Variants in DMD observed in about 807,000 individuals in gnomAD.
DMD encodes mutant dystrophin.
DMD carries 63 observed loss-of-function variants against 330.1 expected under a neutral mutation model. The observed-to-expected ratio is 0.19, with a 90% CI of 0.16 to 0.24. DMD has a LOEUF of 0.24. Among genes scored for constraint, DMD ranks in the 10% least tolerant of loss-of-function variants. The pLI, the probability that DMD is intolerant of heterozygous loss-of-function variation, is 1.00. For missense variants in DMD, 3,344 were observed against 2,684.1 expected (o/e 1.25, Z -5.43); for synonymous variants, 1,223 against 959.8 (o/e 1.27, Z -5.07).
chrX:31,528,189 A>ACTT (rs1351116568), intron 55 of DMD, among the ~76,000 whole-genome samples: 1 of 94,319 alleles, frequency 1.1e-5, no homozygotes, highest in Non-Finnish European at 2.1e-5. Flanking sequence ...TTTACAAGAC[A>ACTT]CTTTAGGTTG....
chrX:32,646,333 C>A (rs764644325), intron 9 of DMD, among the ~76,000 whole-genome samples: 2 of 110,997 alleles, frequency 1.8e-5, no homozygotes, highest in African/African-American at 6.5e-5. Flanking sequence ...TGCAGGTCGC[C>A]GGGCTTCAAA....
At chrX:31,521,721 A>G (rs1411383909) in intron 55 of DMD, among the ~76,000 whole-genome samples, 2 of 111,780 alleles carry the variant, frequency 1.8e-5, no homozygotes, top group East Asian at 2.8e-4. Flanking sequence ...TGAGTTTGTG[A>G]TACGGTTTTA....
chrX:31,372,480 T>A (rs775894949), intron 60 of DMD, among the ~76,000 whole-genome samples: 1 of 112,093 alleles, frequency 8.9e-6, no homozygotes, highest in South Asian at 3.8e-4. Flanking sequence ...GACTGTAGTG[T>A]GCAAATTAGG....
At chrX:33,129,535 A>C (rs763811483) in intron 1 of DMD, among the ~76,000 whole-genome samples, 19 of 96,880 alleles carry the variant, frequency 2.0e-4, no homozygotes, top group South Asian at 1.9e-3. Flanking sequence ...AAAAAAAAAA[A>C]CCCACACCTT....
intron 16 of DMD, among the ~76,000 whole-genome samples, chrX:32,563,482 G>T (rs2051313142): frequency 9.2e-6 from 1 of 108,687 alleles, no homozygotes; most frequent in South Asian, 4.0e-4. Context: ...TATCTTCATT[G>T]TATCCCTATG....
At chrX:32,607,863 CAG>C (rs1257504742) in intron 12 of DMD, among the ~76,000 whole-genome samples, 1 of 109,422 alleles carries the variant, frequency 9.1e-6, no homozygotes, top group African/African-American at 3.3e-5. Flanking sequence ...AGTACTGGTT[CAG>C]AGAGAGAGAG....
chrX:33,211,673 G>T, upstream of DMD: 1 of 564,695 alleles, frequency 1.8e-6, no homozygotes, highest in Non-Finnish European at 2.3e-6. Flanking sequence ...TACATATAAG[G>T]TTGTGCTTCC....
Position 32,417,191 on chromosome X carries a change from G to A in DMD, c.4072-5278C>T, listed in dbSNP as rs144108845. 6.8e-3 allele frequency among the ~76,000 whole-genome samples: 753 copies of A among 111,532 alleles called. 5 individuals carry two copies. Among genetic ancestry groups the A allele is most frequent in the African/African-American group, 0.023 (716 of 30,691 alleles). On this transcript the variant is annotated intron_variant, in intron 29 of 78. Transcript: ENST00000357033. ...CTCATTCTAAGAGATGGAAATAGCA[G>A]GGCATAGCAAAGGGCTTACAAAAGA... is the stretch of plus-strand genomic sequence containing the variant.
At chrX:32,129,002 C>CA (rs2096674789) in intron 44 of DMD, among the ~76,000 whole-genome samples, 2 of 111,420 alleles carry the variant, frequency 1.8e-5, no homozygotes, top group African/African-American at 6.5e-5. Flanking sequence ...TCTAAGGCCC[C>CA]ACCTCTAATC....
chrX:32,403,780 T>C (rs906950179), intron 30 of DMD, among the ~76,000 whole-genome samples: 2 of 112,230 alleles, frequency 1.8e-5, no homozygotes, highest in Non-Finnish European at 3.8e-5. Flanking sequence ...ATAAAAAGTC[T>C]ACATCTATGG....
intron 9 of DMD, among the ~76,000 whole-genome samples, chrX:32,690,165 C>A (rs1379656135): frequency 9.1e-6 from 1 of 110,139 alleles, no homozygotes; most frequent in Non-Finnish European, 1.9e-5. Flanking sequence ...CCCTAGAATC[C>A]ATTAAAAACA....
chrX:32,166,902 T>A (rs1246809037), intron 44 of DMD, among the ~76,000 whole-genome samples: 1 of 112,010 alleles, frequency 8.9e-6, no homozygotes, highest in Admixed American at 9.5e-5. Context: ...ATAATAAAGT[T>A]GAGCATTACC....
At chrX:33,285,992 G>T (rs758787228) in intron 1 of DMD, among the ~76,000 whole-genome samples, 17 of 111,774 alleles carry the variant, frequency 1.5e-4, no homozygotes, top group African/African-American at 5.5e-4. Flanking sequence ...TAAAAATCAG[G>T]TATATTCTAA....
intron 1 of DMD, among the ~76,000 whole-genome samples, chrX:33,308,028 C>G (rs753280399): frequency 8.9e-6 from 1 of 111,942 alleles, no homozygotes; most frequent in Non-Finnish European, 1.9e-5. Flanking sequence ...CTTGGAAACA[C>G]ATGGATAAAA....
chrX:32,099,914 C>T (rs942234467), intron 44 of DMD, among the ~76,000 whole-genome samples: 4 of 109,998 alleles, frequency 3.6e-5, no homozygotes, highest in Non-Finnish European at 7.6e-5. Flanking sequence ...AGGATGTATC[C>T]TACCATGATG....
intron 60 of DMD, among the ~76,000 whole-genome samples, chrX:31,384,480 C>G (rs1308504198): frequency 9.0e-6 from 1 of 111,427 alleles, no homozygotes; most frequent in East Asian, 2.8e-4. Context: ...GTTATGTTAT[C>G]AATTCTTGAA....
chrX:31,242,820 T>G (rs5927713), intron 63 of DMD, among the ~76,000 whole-genome samples: 1 of 108,336 alleles, frequency 9.2e-6, no homozygotes, highest in African/African-American at 3.4e-5. Flanking sequence ...TGGGTATACG[T>G]TGGCATTAAT....
chrX:31,743,486 G>A (rs917202284), intron 51 of DMD, among the ~76,000 whole-genome samples: 1 of 112,433 alleles, frequency 8.9e-6, no homozygotes, highest in Non-Finnish European at 1.9e-5. Context: ...AAAATACGGT[G>A]CATATACACC....
chrX:33,282,663 C>T lies in DMD; in HGVS notation c.7+56596G>A, dbSNP rs771490213. 3.6e-5 allele frequency among the ~76,000 whole-genome samples: 4 copies of T among 111,946 alleles called. No individual in the cohort carries two copies. The East Asian group carries it at 1.1e-3, about 32-fold the overall frequency. On this transcript the variant is annotated intron_variant, in intron 1 of 17. Transcript: ENST00000288447. ...CAGCAGAGCATGGTAGTCCTAAATC[C>T]CTGGGAAAGGAGAGGCACTTACCCT... is the stretch of plus-strand genomic sequence containing the variant.
Sources: gnomAD v4.1 joint callset for allele counts (sites outside exome capture counted in the v4.1 genomes callset) on GRCh38, gnomAD v4.1.1 for gene constraint, MANE v1.5 for transcripts, NCBI Gene and HGNC (gene_info 2026-07-23, HGNC 2026-07-21) for gene names.